The following NRG3 variants were observed in gnomAD, a reference collection of about 807,000 sequenced individuals.
The protein encoded by NRG3 is neuregulin 3, also known as pro-neuregulin-3, membrane-bound isoform.
Under a neutral mutation model 66.9 loss-of-function variants are expected in NRG3, and 31 were observed. The ratio of observed to expected loss-of-function variants is 0.46; its 90% CI spans 0.35 to 0.63. The LOEUF is 0.63. Among genes scored for constraint, NRG3 ranks in the 20% least tolerant of loss-of-function variants. The pLI, the probability that NRG3 is intolerant of heterozygous loss-of-function variation, is 0.00. For synonymous variants in NRG3, 393 were observed against 359.4 expected (o/e 1.09, Z -1.06); for missense variants, 910 against 878.9 (o/e 1.04, Z -0.45).
intron 2 of NRG3, among the ~76,000 whole-genome samples, chr10:82,397,202 A>G (rs1006961855): frequency 2.0e-5 from 3 of 152,142 alleles, no homozygotes; most frequent in Admixed American, 2.0e-4. Context: ...TCTTCTTGCA[A>G]ATGTCTAGAC....
At chr10:82,401,307 A>G (rs1409505411) in intron 2 of NRG3, among the ~76,000 whole-genome samples, 1 of 152,150 alleles carries the variant, frequency 6.6e-6, no homozygotes, top group Admixed American at 6.5e-5. Flanking sequence ...ATACACATGT[A>G]TATGGGTGTG....
intron 2 of NRG3, among the ~76,000 whole-genome samples, chr10:82,441,785 C>T (rs2090446101): frequency 6.6e-6 from 1 of 152,180 alleles, no homozygotes; most frequent in African/African-American, 2.4e-5. Context: ...ACCACATCAT[C>T]AGAATCACAC....
chr10:82,700,744 G>A (rs2055806060), intron 2 of NRG3, among the ~76,000 whole-genome samples: 1 of 152,006 alleles, frequency 6.6e-6, no homozygotes, highest in South Asian at 2.1e-4. Flanking sequence ...TGTTCTTTGT[G>A]TCTACATCCT....
chr10:82,870,484 T>G (rs1251240573), intron 4 of NRG3, among the ~76,000 whole-genome samples: 1 of 152,166 alleles, frequency 6.6e-6, no homozygotes, highest in African/African-American at 2.4e-5. Context: ...GGGAAGGATA[T>G]GTTTAGTTTT....
chr10:82,692,293 G>T (rs1591190491), intron 2 of NRG3, among the ~76,000 whole-genome samples: 1 of 151,782 alleles, frequency 6.6e-6, no homozygotes, highest in African/African-American at 2.4e-5. Context: ...ATTTATATGG[G>T]AAAACTAGAT....
chr10:82,478,231 CTTTTTTT>C (rs1210990084), intron 2 of NRG3, among the ~76,000 whole-genome samples: 1 of 18,150 alleles, frequency 5.5e-5, no homozygotes, highest in African/African-American at 1.2e-4. Context: ...TTGTGTCACT[CTTTTTTT>C]TTTTTTTTTT....
intron 2 of NRG3, among the ~76,000 whole-genome samples, chr10:82,685,997 G>A (rs1187195645): frequency 6.6e-6 from 1 of 152,134 alleles, no homozygotes; most frequent in East Asian, 1.9e-4. Context: ...CTTCCTGAAC[G>A]AACTGCCTGA....
intron 2 of NRG3, among the ~76,000 whole-genome samples, chr10:82,608,919 T>A (rs971617183): frequency 7.2e-5 from 11 of 152,156 alleles, no homozygotes; most frequent in Non-Finnish European, 5.9e-5. Flanking sequence ...CTCCCTGGTG[T>A]TTTTAACTCT....
chr10:81,900,680 G>A (rs1260467491), intron 1 of NRG3, among the ~76,000 whole-genome samples: 1 of 152,158 alleles, frequency 6.6e-6, no homozygotes, highest in African/African-American at 2.4e-5. Context: ...AAATTTGTTT[G>A]TATGTTTTAT....
At chr10:82,162,268 C>T (rs1291874390) in intron 1 of NRG3, among the ~76,000 whole-genome samples, 1 of 152,054 alleles carries the variant, frequency 6.6e-6, no homozygotes, top group Admixed American at 6.6e-5. Flanking sequence ...GCTAAAATAC[C>T]TCCATTCTTG....
intron 2 of NRG3, among the ~76,000 whole-genome samples, chr10:82,365,216 G>T (rs1054589679): frequency 6.6e-6 from 1 of 152,166 alleles, no homozygotes; most frequent in Non-Finnish European, 1.5e-5. Flanking sequence ...GTTGAAGCAA[G>T]TCAGAATGAA....
chr10:82,378,550 T>G (rs2085409264), intron 2 of NRG3, among the ~76,000 whole-genome samples: 1 of 151,942 alleles, frequency 6.6e-6, no homozygotes, highest in African/African-American at 2.4e-5. Flanking sequence ...CTCTCTTCTC[T>G]TCTACTCTCT....
rs114413034 is a variant in NRG3, at chr10:82,871,493, A to G, written c.1054+6056A>G. Among the ~76,000 whole-genome samples the G allele has an allele frequency of 1.9e-3, 284 of 152,284 alleles. 2 individuals carry two copies. Among genetic ancestry groups the G allele is most frequent in the African/African-American group, 6.5e-3 (271 of 41,586 alleles). Reference sequence around the variant, plus strand: ...TTTTTATTGGAATTGCATTAAATCTATAAATGAAGTTGAAAAGAGCTGACA... The same window carrying G: ...TTTTTATTGGAATTGCATTAAATCTGTAAATGAAGTTGAAAAGAGCTGACA... On this transcript the variant is annotated intron_variant, in intron 4 of 8. Transcript: ENST00000372141.
intron 2 of NRG3, among the ~76,000 whole-genome samples, chr10:82,431,744 C>A (rs2089818863): frequency 6.6e-6 from 1 of 152,064 alleles, no homozygotes; most frequent in Admixed American, 6.6e-5. Context: ...AAGATAATGT[C>A]TTTTCTTCTC....
intron 3 of NRG3, among the ~76,000 whole-genome samples, chr10:82,813,420 G>A (rs2061577879): frequency 6.6e-6 from 1 of 151,716 alleles, no homozygotes; most frequent in Non-Finnish European, 1.5e-5. Flanking sequence ...CACCATGTTG[G>A]CCAAGCTGGT....
intron 5 of NRG3, among the ~76,000 whole-genome samples, chr10:82,955,444 T>C (rs909367061): frequency 2.0e-5 from 3 of 151,998 alleles, no homozygotes; most frequent in African/African-American, 7.3e-5. Flanking sequence ...CTGTAAATTA[T>C]TCAAGTTTTT....
intron 1 of NRG3, among the ~76,000 whole-genome samples, chr10:82,183,897 G>A (rs940912299): frequency 2.0e-5 from 3 of 152,112 alleles, no homozygotes; most frequent in Non-Finnish European, 4.4e-5. Context: ...ATCATCTAAG[G>A]GCTGAGGTTC....
intron 2 of NRG3, among the ~76,000 whole-genome samples, chr10:82,726,920 G>T (rs1279286994): frequency 2.0e-5 from 3 of 152,136 alleles, no homozygotes; most frequent in Admixed American, 6.5e-5. Context: ...TGAGAAACTT[G>T]TTGGGAACTA....
chr10:82,107,699 G>A (rs1771207333), intron 1 of NRG3, among the ~76,000 whole-genome samples: 1 of 152,180 alleles, frequency 6.6e-6, no homozygotes, highest in Non-Finnish European at 1.5e-5. Flanking sequence ...TAGTCATTTA[G>A]TAGGAGCTTA....
Sources: gnomAD v4.1 joint callset for allele counts (sites outside exome capture counted in the v4.1 genomes callset) on GRCh38, gnomAD v4.1.1 for gene constraint, MANE v1.5 for transcripts, NCBI Gene and HGNC (gene_info 2026-07-23, HGNC 2026-07-21) for gene names.